The following ABCA9 variants were observed in gnomAD, a reference collection of about 807,000 sequenced individuals.
ABCA9 encodes the protein ATP-binding cassette sub-family A member 9.
Under a neutral mutation model 205.3 loss-of-function variants are expected in ABCA9, and 183 were observed. The ratio of observed to expected loss-of-function variants is 0.89; its 90% CI spans 0.79 to 1.01. The LOEUF is 1.01. Ranked by LOEUF, ABCA9 falls within the 50% of genes least tolerant of loss-of-function variation. The pLI, the probability that ABCA9 is intolerant of heterozygous loss-of-function variation, is 0.00. For synonymous variants in ABCA9, 651 were observed against 683.3 expected (o/e 0.95, Z 0.74); for missense variants, 1,805 against 1,912.4 (o/e 0.94, Z 1.05).
intron 17 of ABCA9, 66 bp from the exon 18 acceptor site, chr17:69,021,927 A>AT (rs2070823706): frequency 8.1e-7 from 1 of 1,233,178 alleles, no homozygotes; most frequent in Non-Finnish European, 1.1e-6. Flanking sequence ...TTTCTCAAAA[A>AT]TGTAAAATAT....
At chr17:69,056,944 T>A (rs867738739) in intron 1 of ABCA9, among the ~76,000 whole-genome samples, 1 of 152,328 alleles carries the variant, frequency 6.6e-6, no homozygotes, top group South Asian at 2.1e-4. Flanking sequence ...AACTCATAGT[T>A]TTAACTAGTG....
At chr17:69,035,625 A>C (rs373258674) in intron 7 of ABCA9, 35 bp downstream of exon 7, 15 of 1,606,078 alleles carry the variant, frequency 9.3e-6, no homozygotes, top group Non-Finnish European at 1.2e-5. Flanking sequence ...AGAGAGAAAG[A>C]GAATAAAAGA....
intron 1 of ABCA9, among the ~76,000 whole-genome samples, chr17:69,052,874 A>G (rs2071952664): frequency 6.6e-6 from 1 of 152,204 alleles, no homozygotes; most frequent in Admixed American, 6.5e-5. Context: ...TTGCTAGAGT[A>G]GCTCACAGAA....
chr17:69,000,383 A>G (rs1217759318), intron 25 of ABCA9, among the ~76,000 whole-genome samples: 1 of 151,926 alleles, frequency 6.6e-6, no homozygotes, highest in Non-Finnish European at 1.5e-5. Flanking sequence ...TTAAATAGGG[A>G]ATCCTTTCCC....
At chr17:69,029,346 G>A (rs1208771520) in intron 10 of ABCA9, 119 bp from the exon 11 acceptor site, 6 of 592,900 alleles carry the variant, frequency 1.0e-5, no homozygotes, top group Non-Finnish European at 2.8e-6. Context: ...TTCTTGTAAA[G>A]CCTCAAAGAA....
intron 5 of ABCA9, among the ~76,000 whole-genome samples, 167 bp downstream of exon 5, chr17:69,044,330 A>G (rs945812327): frequency 6.6e-6 from 1 of 152,122 alleles, no homozygotes; most frequent in Non-Finnish European, 1.5e-5. Context: ...TGTTCTACTT[A>G]TTTTCTGATC....
Position 68,991,405 on chromosome 17 carries a change from C to A in ABCA9, c.3717-448G>T, listed in dbSNP as rs151025229. Among the ~76,000 whole-genome samples the A allele has an allele frequency of 2.6e-5, 4 of 152,260 alleles. No individual in the cohort carries two copies. In the East Asian group the frequency reaches 5.8e-4, roughly 22 times the overall value. ...AGGATATCTAATCACCATACCAATG[C>A]CTAATTAGTTACTGAGCACAGTCAC... On this transcript the variant is annotated intron_variant, in intron 28 of 38. Transcript: ENST00000340001.
chr17:69,027,495 T>C lies in ABCA9; in HGVS notation c.1792-46A>G, dbSNP rs766784656. 1.9e-6 allele frequency: 3 copies of C among 1,576,704 alleles called. No homozygotes were observed. In the Admixed American group the frequency reaches 6.0e-5, roughly 31 times the overall value. Reference sequence around the variant, plus strand: ...TAGTCCAAAACCCAGAAAGTTTATTTTAAAAACACTATCATTTTTCTGTTC... The same window carrying C: ...TAGTCCAAAACCCAGAAAGTTTATTCTAAAAACACTATCATTTTTCTGTTC... On this transcript the variant is annotated intron_variant, in intron 13 of 38. Transcript: ENST00000340001.
the ABCA9 span, among the ~76,000 whole-genome samples, chr17:69,070,444 G>C: frequency 1.3e-5 from 2 of 152,062 alleles, no homozygotes; most frequent in East Asian, 3.9e-4. Context: ...CATTGAGGGG[G>C]AGCAGAAGCA....
At chr17:68,982,870 G>C (rs2069106391) in intron 36 of ABCA9, among the ~76,000 whole-genome samples, 2 of 152,158 alleles carry the variant, frequency 1.3e-5, no homozygotes, top group African/African-American at 4.8e-5. Context: ...GCCAGGAATG[G>C]TGGTGTGTGC....
intron 25 of ABCA9, among the ~76,000 whole-genome samples, chr17:69,000,863 G>T (rs1186331416): frequency 8.1e-5 from 12 of 147,454 alleles, no homozygotes; most frequent in African/African-American, 3.2e-4. Flanking sequence ...GGATTCCTAG[G>T]TATTTTATTC....
intron 29 of ABCA9, 22 bp downstream of exon 29, chr17:68,990,815 G>C (rs199587523): frequency 1.9e-6 from 3 of 1,594,406 alleles, no homozygotes; most frequent in African/African-American, 1.4e-5. Context: ...AATAGTTGAC[G>C]AAGAACATTT....
chr17:69,066,381 CTT>C, the ABCA9 span, among the ~76,000 whole-genome samples: 4 of 148,938 alleles, frequency 2.7e-5, no homozygotes, highest in African/African-American at 7.4e-5. Flanking sequence ...AAAAAAGTAT[CTT>C]TTTTTTTTCA....
intron 3 of ABCA9, among the ~76,000 whole-genome samples, chr17:69,047,183 C>T (rs186505433): frequency 6.6e-6 from 1 of 150,874 alleles, no homozygotes; most frequent in Non-Finnish European, 1.5e-5. Flanking sequence ...GTTAGAACTC[C>T]TGACCTAAGA....
chr17:69,030,299 T>C (rs1887692444), intron 10 of ABCA9, among the ~76,000 whole-genome samples: 1 of 152,174 alleles, frequency 6.6e-6, no homozygotes, highest in Non-Finnish European at 1.5e-5. Context: ...GAGGGCTCTC[T>C]TCCTGGCTTG....
chr17:69,076,208 G>T, the ABCA9 span, among the ~76,000 whole-genome samples: 3 of 152,012 alleles, frequency 2.0e-5, no homozygotes, highest in Admixed American at 6.5e-5. Context: ...TGCCTATTTT[G>T]TTGAGGGTTT....
chr17:68,976,306 T>G, intron 37 of ABCA9, 116 bp from the exon 38 acceptor site: 1 of 871,384 alleles, frequency 1.1e-6, no homozygotes, highest in Non-Finnish European at 1.8e-6. Context: ...AGGTAATAAG[T>G]ATTCTTAGAC....
intron 3 of ABCA9, among the ~76,000 whole-genome samples, chr17:69,047,597 G>C (rs920724524): frequency 1.3e-5 from 2 of 152,016 alleles, no homozygotes; most frequent in African/African-American, 4.8e-5. Context: ...ATCAGTCTCT[G>C]CCTGAAATTC....
At chr17:69,043,433 A>G in intron 6 of ABCA9, 56 bp downstream of exon 6, 1 of 1,414,920 alleles carries the variant, frequency 7.1e-7, no homozygotes, top group East Asian at 2.3e-5. Context: ...GGAGTCAACC[A>G]GCTAAGTTGT....
Sources: allele counts gnomAD v4.1 joint callset (sites outside exome capture counted in the v4.1 genomes callset), GRCh38; gene constraint gnomAD v4.1.1; transcripts MANE v1.5; gene names NCBI Gene and HGNC (gene_info 2026-07-23, HGNC 2026-07-21).